The following DDX19B variants were observed in gnomAD, a reference collection of about 807,000 sequenced individuals.
The protein encoded by DDX19B is DEAD-box helicase 19B, also known as ATP-dependent RNA helicase DDX19B.
DDX19B carries 27 observed loss-of-function variants against 58.1 expected under a neutral mutation model. The observed-to-expected ratio is 0.46, with a 90% CI of 0.34 to 0.64. The LOEUF (loss-of-function observed/expected upper bound fraction) is 0.64, where lower values mean the gene tolerates loss of function less well. DDX19B is among the 30% of genes least tolerant of loss of function. The pLI is 0.01. For synonymous variants in DDX19B, 187 were observed against 214.4 expected, an observed-to-expected ratio of 0.87 and a Z score of 1.12; for missense variants, 399 against 596.5, an observed-to-expected ratio of 0.67 and a Z score of 3.45.
At chr16:70,329,804 G>A (rs1963385178) in intron 8 of DDX19B, 27 bp from the exon 9 acceptor site, 13 of 1,613,478 alleles carry the variant, frequency 8.1e-6, no homozygotes, top group Non-Finnish European at 1.1e-5. Context: ...GCCACCTGGG[G>A]CCACCTACCA....
chr16:70,328,348 G>C (rs1033233289), intron 7 of DDX19B, among the ~76,000 whole-genome samples: 2 of 150,750 alleles, frequency 1.3e-5, no homozygotes, highest in Non-Finnish European at 2.9e-5. Flanking sequence ...TAGAAGGGTA[G>C]AGAATTCTGA....
At chr16:70,298,658 C>G (rs1257918527), upstream of DDX19B, among the ~76,000 whole-genome samples, 1 of 151,794 alleles carries the variant, frequency 6.6e-6, no homozygotes, top group Non-Finnish European at 1.5e-5. Flanking sequence ...CGTCTGTTTT[C>G]TTCCTTTTTA....
chr16:70,293,772 C>T (rs955017813), upstream of DDX19B, among the ~76,000 whole-genome samples: 3 of 149,590 alleles, frequency 2.0e-5, no homozygotes, highest in East Asian at 2.0e-4. Context: ...CCACCGTGCC[C>T]GGCTAATTTT....
At chr16:70,330,757 T>A (rs1567639969) in intron 9 of DDX19B, among the ~76,000 whole-genome samples, 1 of 151,528 alleles carries the variant, frequency 6.6e-6, no homozygotes, top group African/African-American at 2.4e-5. Context: ...TAAAAATATA[T>A]ATATGGCTGG....
intron 3 of DDX19B, chr16:70,315,661 C>T: frequency 5.0e-6 from 1 of 200,882 alleles, no homozygotes. Context: ...ACATTAATTA[C>T]TTTAGGTTTA....
chr16:70,294,937 G>C (rs1205913779), upstream of DDX19B: 19 of 1,507,850 alleles, frequency 1.3e-5, no homozygotes, highest in Admixed American at 6.6e-5. Context: ...TGCGAGGGTA[G>C]AAGCCAGACC....
upstream of DDX19B, among the ~76,000 whole-genome samples, chr16:70,291,414 A>G (rs1187348792): frequency 6.6e-6 from 1 of 152,226 alleles, no homozygotes; most frequent in Non-Finnish European, 1.5e-5. Flanking sequence ...TTGTACTTTC[A>G]GAATAAAATA....
In DDX19B at chr16:70,333,868, A is replaced by C; in HGVS notation, c.*286A>C. 2.0e-6 allele frequency: 1 copy of C among 508,976 alleles called. No homozygotes were observed. Among genetic ancestry groups the C allele is most frequent in the Middle Eastern group, 5.6e-4 (1 of 1,800 alleles). 31.5% of individuals were successfully genotyped at this position (508,976 alleles called of 1,614,324 possible). On this transcript the variant is annotated 3_prime_UTR_variant, in exon 12 of 12. Transcript: ENST00000288071. ...TTTGGCCAGTGTTTCCTTCATGCTA[A>C]TCTAGATGCTGTGGCTGATTACTTG... is the stretch of plus-strand genomic sequence containing the variant.
chr16:70,317,371 A>G (rs1453378412), intron 4 of DDX19B, 125 bp from the exon 5 acceptor site: 1 of 656,546 alleles, frequency 1.5e-6, no homozygotes, highest in African/African-American at 1.9e-5. Flanking sequence ...ATAGATCGAG[A>G]CTCTGCTCAA....
At chr16:70,292,816 A>AAAC (rs1363221468), upstream of DDX19B, among the ~76,000 whole-genome samples, 3 of 151,686 alleles carry the variant, frequency 2.0e-5, no homozygotes, top group Non-Finnish European at 2.9e-5. Flanking sequence ...CCGCAGAGTG[A>AAAC]AACAACAGGC....
upstream of DDX19B, chr16:70,290,054 A>AG (rs1228769059): frequency 3.4e-6 from 1 of 291,918 alleles, no homozygotes; most frequent in East Asian, 8.9e-5. Flanking sequence ...TTTGGAAAAA[A>AG]AAAAGTTAAT....
intron 2 of DDX19B, 83 bp downstream of exon 2, chr16:70,312,740 A>G: frequency 8.5e-7 from 1 of 1,175,600 alleles, no homozygotes; most frequent in Non-Finnish European, 1.2e-6. Flanking sequence ...CTGGAAAAAA[A>G]TTTGTATTTG....
intron 1 of DDX19B, among the ~76,000 whole-genome samples, chr16:70,309,473 C>T (rs979399184): frequency 6.6e-6 from 1 of 151,666 alleles, no homozygotes; most frequent in Admixed American, 6.6e-5. Flanking sequence ...TCAGCCTGGG[C>T]GACAGAGCGA....
At chr16:70,316,881 G>T (rs993276890) in intron 4 of DDX19B, among the ~76,000 whole-genome samples, 3 of 151,914 alleles carry the variant, frequency 2.0e-5, no homozygotes, top group African/African-American at 4.8e-5. Flanking sequence ...GACCAGCGTG[G>T]CCAACATGGT....
At chr16:70,290,769 CTG>C (rs1961039858), upstream of DDX19B, among the ~76,000 whole-genome samples, 1 of 152,126 alleles carries the variant, frequency 6.6e-6, no homozygotes, top group Non-Finnish European at 1.5e-5. Flanking sequence ...GATTTTTAAA[CTG>C]TGTATGAGGT....
chr16:70,302,915 C>A (rs1169751901), intron 1 of DDX19B, among the ~76,000 whole-genome samples: 1 of 152,152 alleles, frequency 6.6e-6, no homozygotes, highest in Non-Finnish European at 1.5e-5. Flanking sequence ...TGTCAGTTTC[C>A]TTCATTCTAA....
At chr16:70,294,925 T>C (rs1398591888), upstream of DDX19B, 1 of 1,518,584 alleles carries the variant, frequency 6.6e-7, no homozygotes, top group East Asian at 2.5e-5. Context: ...GACGTGAGTA[T>C]CTGCGAGGGT....
intron 5 of DDX19B, 73 bp downstream of exon 5, chr16:70,317,661 C>A: frequency 7.2e-7 from 1 of 1,391,192 alleles, no homozygotes; most frequent in East Asian, 2.4e-5. Flanking sequence ...TTTCACAGGC[C>A]AGCAAGGTGG....
At chr16:70,311,791 G>A (rs1386492193) in intron 1 of DDX19B, among the ~76,000 whole-genome samples, 3 of 152,068 alleles carry the variant, frequency 2.0e-5, no homozygotes, top group South Asian at 2.1e-4. Flanking sequence ...CGGCTCTAAC[G>A]TATCCTGCAG....
Sources: gnomAD v4.1 joint callset for allele counts (sites outside exome capture counted in the v4.1 genomes callset) on GRCh38, gnomAD v4.1.1 for gene constraint, MANE v1.5 for transcripts, NCBI Gene and HGNC (gene_info 2026-07-23, HGNC 2026-07-21) for gene names.